NPAS3: variants seen among roughly 807,000 people sequenced by gnomAD.
The protein encoded by NPAS3 is neuronal PAS domain-containing protein 3.
In NPAS3, 14 loss-of-function variants were observed where a neutral mutation model predicts 73.1. That is an observed-to-expected ratio of 0.19 (90% CI 0.13 to 0.30). NPAS3 has a LOEUF of 0.30. Ranked by LOEUF, NPAS3 falls within the 10% of genes least tolerant of loss-of-function variation. The pLI is 1.00. For synonymous variants in NPAS3, 620 were observed against 541.5 expected (o/e 1.14, Z -2.01); for missense variants, 1,096 against 1,250.0 (o/e 0.88, Z 1.86).
rs577334893 is a variant in NPAS3 at position 33,517,206 on chromosome 14, G to T, written c.469-42915G>T. 1.0e-3 allele frequency among the ~76,000 whole-genome samples: 156 copies of T among 152,080 alleles called. 1 individual carries two copies. The South Asian group carries it at 0.031, about 31-fold the overall frequency. On this transcript the variant is annotated intron_variant, in intron 4 of 11. Coordinates refer to ENST00000356141, the Ensembl canonical transcript of NPAS3. ...CTTCTAAATCAGGTGATTGTAGTTCGCTTATCTTAGTTGGATTTCCGGTGG... is the reference window on the plus strand; with the variant it reads ...CTTCTAAATCAGGTGATTGTAGTTCTCTTATCTTAGTTGGATTTCCGGTGG...
intron 4 of NPAS3, among the ~76,000 whole-genome samples, chr14:33,508,392 G>A (rs566023946): frequency 1.1e-3 from 168 of 152,134 alleles, no homozygotes; most frequent in African/African-American, 3.5e-3. Flanking sequence ...TGCCGAAAAG[G>A]GGGCTTAGGG....
intron 4 of NPAS3, among the ~76,000 whole-genome samples, chr14:33,396,135 A>G (rs545570204): frequency 6.6e-6 from 1 of 152,294 alleles, no homozygotes; most frequent in South Asian, 2.1e-4. Context: ...TCATTGAGAT[A>G]AATAGCTGAC....
chr14:33,751,945 T>C (rs1174842441), intron 7 of NPAS3, among the ~76,000 whole-genome samples: 1 of 152,138 alleles, frequency 6.6e-6, no homozygotes, highest in Non-Finnish European at 1.5e-5. Context: ...ATATTCAAAG[T>C]TATGTGTTTT....
chr14:33,080,384 G>A (rs1012692057), intron 2 of NPAS3, among the ~76,000 whole-genome samples: 3 of 152,196 alleles, frequency 2.0e-5, no homozygotes, highest in African/African-American at 7.2e-5. Flanking sequence ...GGGATTACAG[G>A]CGTGAGCCAC....
At chr14:33,559,885 G>A (rs1257286007) in intron 4 of NPAS3, among the ~76,000 whole-genome samples, 4 of 152,040 alleles carry the variant, frequency 2.6e-5, no homozygotes, top group African/African-American at 9.7e-5. Context: ...TGGGCATGGT[G>A]GCACATGCCT....
chr14:33,458,724 A>T (rs1012883077), intron 4 of NPAS3, among the ~76,000 whole-genome samples: 5 of 152,234 alleles, frequency 3.3e-5, no homozygotes, highest in Non-Finnish European at 5.9e-5. Context: ...GTCTTCTACT[A>T]GTCATTGTGG....
chr14:33,129,379 A>C (rs924384045), intron 2 of NPAS3, among the ~76,000 whole-genome samples: 1 of 152,154 alleles, frequency 6.6e-6, no homozygotes, highest in African/African-American at 2.4e-5. Context: ...AACACATGTG[A>C]ATATTGATAG....
intron 1 of NPAS3, among the ~76,000 whole-genome samples, chr14:33,040,466 G>T (rs948563096): frequency 5.9e-5 from 9 of 152,098 alleles, no homozygotes; most frequent in African/African-American, 2.2e-4. Context: ...TATAAAATGA[G>T]TCATTCTTAC....
chr14:32,988,446 T>A (rs1362236216), intron 1 of NPAS3, among the ~76,000 whole-genome samples: 2 of 152,172 alleles, frequency 1.3e-5, no homozygotes, highest in Non-Finnish European at 2.9e-5. Flanking sequence ...ATTTTCTCCA[T>A]TAAAATGAAA....
chr14:33,323,089 A>G (rs1456131472), intron 3 of NPAS3, among the ~76,000 whole-genome samples: 1 of 152,194 alleles, frequency 6.6e-6, no homozygotes, highest in African/African-American at 2.4e-5. Flanking sequence ...CCTGGCTTAC[A>G]GTAGCACCTG....
At chr14:33,676,466 G>T in intron 6 of NPAS3, 81 bp downstream of exon 6, 1 of 1,218,636 alleles carries the variant, frequency 8.2e-7, no homozygotes, top group Non-Finnish European at 1.1e-6. Context: ...CATGTGAAGA[G>T]ACTATAAATA....
chr14:33,554,335 A>G (rs2055255501), intron 4 of NPAS3, among the ~76,000 whole-genome samples: 1 of 152,236 alleles, frequency 6.6e-6, no homozygotes, highest in Non-Finnish European at 1.5e-5. Context: ...TTGAAGGGAA[A>G]GTTGAGTATG....
chr14:33,062,316 G>A (rs2041136176), intron 2 of NPAS3, among the ~76,000 whole-genome samples: 1 of 151,790 alleles, frequency 6.6e-6, no homozygotes, highest in Admixed American at 6.6e-5. Context: ...AAAAAAAGAA[G>A]GAATGTGAAA....
intron 2 of NPAS3, among the ~76,000 whole-genome samples, chr14:33,174,627 A>G (rs1213559242): frequency 2.0e-5 from 3 of 152,126 alleles, no homozygotes; most frequent in Non-Finnish European, 4.4e-5. Context: ...GGCTCCATCA[A>G]CTCATTTGTT....
intron 2 of NPAS3, among the ~76,000 whole-genome samples, chr14:33,202,262 G>T (rs2139595832): frequency 6.6e-6 from 1 of 152,156 alleles, no homozygotes; most frequent in Middle Eastern, 3.4e-3. Context: ...AATTAGCCAG[G>T]TGTGGTAGTG....
intron 2 of NPAS3, among the ~76,000 whole-genome samples, chr14:33,130,310 C>G (rs2043588374): frequency 1.3e-5 from 2 of 152,184 alleles, no homozygotes; most frequent in South Asian, 4.1e-4. Context: ...CTTAGACCCA[C>G]TGTCTCAGCA....
chr14:33,599,074 T>A (rs937556884), intron 5 of NPAS3, among the ~76,000 whole-genome samples: 43 of 152,332 alleles, frequency 2.8e-4, no homozygotes, highest in East Asian at 7.7e-4. Context: ...ATGTTTTTTT[T>A]ATCAGGCACT....
chr14:33,102,486 C>T (rs1031621582), intron 2 of NPAS3, among the ~76,000 whole-genome samples: 3 of 152,090 alleles, frequency 2.0e-5, no homozygotes, highest in Non-Finnish European at 4.4e-5. Context: ...GTAACTCATT[C>T]ATATAGAGCT....
intron 4 of NPAS3, among the ~76,000 whole-genome samples, chr14:33,511,901 T>C (rs375041787): frequency 6.6e-6 from 1 of 152,204 alleles, no homozygotes; most frequent in East Asian, 1.9e-4. Context: ...GAGGCCTTGT[T>C]TAAACTCCAT....
Sources: gnomAD v4.1 joint callset for allele counts (sites outside exome capture counted in the v4.1 genomes callset) on GRCh38, gnomAD v4.1.1 for gene constraint, MANE v1.5 for transcripts, NCBI Gene and HGNC (gene_info 2026-07-23, HGNC 2026-07-21) for gene names.